The following COBLL1 variants were observed in gnomAD, a reference collection of about 807,000 sequenced individuals.
The protein encoded by COBLL1 is cordon-bleu WH2 repeat protein like 1, also known as cordon-bleu protein-like 1.
COBLL1 carries 50 observed loss-of-function variants against 94.8 expected under a neutral mutation model. That is an observed-to-expected ratio of 0.53 (90% CI 0.42 to 0.67). The LOEUF (loss-of-function observed/expected upper bound fraction) is 0.67. Among genes scored for constraint, COBLL1 ranks in the 30% least tolerant of loss-of-function variants. The pLI, the probability that COBLL1 is intolerant of heterozygous loss-of-function variation, is 0.00. For synonymous variants in COBLL1, 448 were observed against 473.8 expected, an observed-to-expected ratio of 0.95 and a Z score of 0.71; for missense variants, 1,362 against 1,348.7, an observed-to-expected ratio of 1.01 and a Z score of -0.15.
intron 7 of COBLL1, chr2:164,718,319 T>A: frequency 1.2e-6 from 1 of 828,786 alleles, no homozygotes; most frequent in Non-Finnish European, 1.5e-6. Context: ...CTAAAGTTTA[T>A]CTTTAGAGGA....
Position 164,726,332 on chromosome 2 carries a change from T to C in COBLL1, c.661+1637A>G, listed in dbSNP as rs897384146. On this transcript the variant is annotated intron_variant, in intron 5 of 13. Transcript: ENST00000652658. ...TTCACTAACACATAATATATGCAGT[T>C]TGTTAAGGCTTGTTTTTTTAGTAGG... Among the ~76,000 whole-genome samples the C allele has an allele frequency of 6.6e-5, 10 of 152,148 alleles. No individual in the cohort carries two copies. In the East Asian group the frequency reaches 1.7e-3, roughly 26 times the overall value.
intron 7 of COBLL1, among the ~76,000 whole-genome samples, chr2:164,709,611 G>C (rs1280432135): frequency 6.6e-6 from 1 of 152,088 alleles, no homozygotes; most frequent in Admixed American, 6.6e-5. Flanking sequence ...CCAGCTACTT[G>C]GGAGGCTGAG....
intron 7 of COBLL1, among the ~76,000 whole-genome samples, chr2:164,715,670 A>G (rs1174659366): frequency 1.3e-5 from 2 of 152,104 alleles, no homozygotes. Context: ...TAAAACATTT[A>G]AAAAATTAAG....
downstream of COBLL1, among the ~76,000 whole-genome samples, chr2:164,678,591 T>C (rs1682904751): frequency 6.6e-6 from 1 of 152,234 alleles, no homozygotes. Context: ...ACAGAAAATA[T>C]TGATGCATTC....
At chr2:164,679,272 C>T (rs932107912), downstream of COBLL1, among the ~76,000 whole-genome samples, 1 of 152,050 alleles carries the variant, frequency 6.6e-6, no homozygotes, top group African/African-American at 2.4e-5. Flanking sequence ...TGCAACACCT[C>T]GTACAAATTA....
At position 164,683,522 on chromosome 2, in the gene COBLL1, C is replaced by T. The variant is rs1434395294; in HGVS notation, c.*2424G>A. On this transcript the variant is annotated 3_prime_UTR_variant, in exon 14 of 14. Transcript: ENST00000652658. The stretch of plus-strand genomic sequence containing the variant: ...ATTATTTTATTATAATTATAAACTA[C>T]AAGTATACTAGAATTTAGAATATAA... 3.9e-5 allele frequency: 6 copies of T among 152,174 alleles called. No individual in the cohort carries two copies. Among genetic ancestry groups the T allele is most frequent in the African/African-American group, 7.2e-5 (3 of 41,534 alleles). The allele number at this position is 152,174 out of a possible 1,614,324, so 9.4% of individuals were successfully genotyped here. A position where few individuals can be genotyped will look rare whatever the true frequency, so the allele number is the denominator to read the frequency against.
At position 164,841,238 on chromosome 2, in the gene COBLL1, G is replaced by A; in HGVS notation, c.-42C>T. 8.1e-7 allele frequency: 1 copy of A among 1,229,620 alleles called. No individual in the cohort carries two copies. The highest frequency in any genetic ancestry group is 1.0e-6 in the Non-Finnish European group (1 of 987,408). The allele number at this position is 1,229,620 out of a possible 1,614,324, so 76.2% of individuals were successfully genotyped here. On this transcript the variant is annotated 5_prime_UTR_variant, in exon 2 of 14. Coordinates refer to ENST00000652658, the MANE Select transcript of COBLL1 (RefSeq NM_001365672.2). The surrounding 1 kb of genome is among the most constrained non-coding windows in gnomAD (Gnocchi z 5.5). ...GCGCGGGCTCCAGCTCCCAGGCGGC[G>A]CGTCACTGCTGGGGTGGGAGAGGCC... is the stretch of plus-strand genomic sequence containing the variant.
At chr2:164,718,527 T>C (rs558582765) in intron 7 of COBLL1, among the ~76,000 whole-genome samples, 35 of 152,338 alleles carry the variant, frequency 2.3e-4, no homozygotes, top group Non-Finnish European at 4.9e-4. Flanking sequence ...ATGCATACAT[T>C]ATCTCTGGAA....
chr2:164,711,795 G>C (rs1010274489), intron 7 of COBLL1, among the ~76,000 whole-genome samples: 2 of 152,048 alleles, frequency 1.3e-5, no homozygotes, highest in African/African-American at 4.8e-5. Flanking sequence ...AAGTCTAAAG[G>C]CTTTACAAAA....
chr2:164,702,085 T>A (rs1684308811), intron 9 of COBLL1, among the ~76,000 whole-genome samples: 1 of 152,066 alleles, frequency 6.6e-6, no homozygotes, highest in East Asian at 1.9e-4. Context: ...ACATGAGAAA[T>A]TTTAATGGTA....
intron 2 of COBLL1, among the ~76,000 whole-genome samples, chr2:164,778,842 GA>G (rs987045483): frequency 2.6e-5 from 4 of 152,108 alleles, no homozygotes; most frequent in Admixed American, 1.3e-4. Context: ...ATAGGTTTAG[GA>G]GACATTTAAG....
Position 164,683,865 on chromosome 2 carries a change from T to C in COBLL1, c.*2081A>G, listed in dbSNP as rs2105401321. 6.6e-6 allele frequency: 1 copy of C among 152,296 alleles called. No homozygotes were observed. 9.4% of individuals were successfully genotyped at this position (152,296 alleles called of 1,614,324 possible). A position where few individuals can be genotyped will look rare whatever the true frequency, so the allele number is the denominator to read the frequency against. On this transcript the variant is annotated 3_prime_UTR_variant, in exon 14 of 14. Coordinates refer to ENST00000652658, the MANE Select transcript of COBLL1 (RefSeq NM_001365672.2). ...ATATGAATATATGCATTACTAAAGC[T>C]GAGCACGGGTTAGGACCCCTTTCTG...
chr2:164,704,624 GA>G, intron 8 of COBLL1, 106 bp from the exon 9 acceptor site: 1 of 943,218 alleles, frequency 1.1e-6, no homozygotes, highest in Non-Finnish European at 1.6e-6. Flanking sequence ...AGCCTTGCTA[GA>G]AGCCATTTTA....
intron 2 of COBLL1, among the ~76,000 whole-genome samples, chr2:164,825,114 C>T (rs1685361266): frequency 6.6e-6 from 1 of 152,192 alleles, no homozygotes; most frequent in Admixed American, 6.5e-5. Context: ...AATATAGCAA[C>T]ATGTCATGCA....
Position 164,727,058 on chromosome 2 carries a change from T to A in COBLL1, c.661+911A>T. ...TAAAATTAGAAGCTTAATTTCAATA[T>A]ATCCAATTTCATGTTATAATTTGTT... On this transcript the variant is annotated intron_variant, in intron 5 of 13. Coordinates refer to ENST00000652658, the MANE Select transcript of COBLL1 (RefSeq NM_001365672.2). 5.2e-6 allele frequency: 5 copies of A among 968,142 alleles called. No individual in the cohort carries two copies. The South Asian group carries it at 8.5e-5, about 16-fold the overall frequency. The allele number at this position is 968,142 out of a possible 1,614,324, so 60.0% of individuals were successfully genotyped here. A position where few individuals can be genotyped will look rare whatever the true frequency, so the allele number is the denominator to read the frequency against.
At chr2:164,838,887 C>G (rs1026692554) in intron 2 of COBLL1, among the ~76,000 whole-genome samples, 1 of 152,176 alleles carries the variant, frequency 6.6e-6, no homozygotes, top group Non-Finnish European at 1.5e-5. Context: ...TTTCTGCCTG[C>G]CACTTCCCAA....
intron 13 of COBLL1, among the ~76,000 whole-genome samples, chr2:164,688,909 C>T (rs1174505166): frequency 6.6e-6 from 1 of 152,010 alleles, no homozygotes; most frequent in African/African-American, 2.4e-5. Flanking sequence ...AGGGTAATAA[C>T]TTGATTTTTA....
intron 2 of COBLL1, among the ~76,000 whole-genome samples, chr2:164,785,908 G>C (rs1009713388): frequency 7.9e-6 from 1 of 125,936 alleles, no homozygotes; most frequent in Non-Finnish European, 1.6e-5. Context: ...ATCCTCCTCC[G>C]CAACAAAAGG....
intron 9 of COBLL1, chr2:164,703,782 G>T (rs1254328234): frequency 1.9e-5 from 5 of 258,884 alleles, no homozygotes; most frequent in Non-Finnish European, 4.1e-5. Flanking sequence ...TCTATTTTTG[G>T]TATGATATTA....
Sources: gnomAD v4.1 joint callset for allele counts (sites outside exome capture counted in the v4.1 genomes callset) on GRCh38, gnomAD v4.1.1 for gene constraint, Gnocchi (gnomAD v3.1) non-coding constraint, MANE v1.5 for transcripts, NCBI Gene and HGNC (gene_info 2026-07-23, HGNC 2026-07-21) for gene names.